KIF1A: variants seen among roughly 807,000 people sequenced by gnomAD.
KIF1A encodes kinesin-like protein KIF1A.
A neutral mutation model predicts 227.3 loss-of-function variants in KIF1A; 46 were observed. That is an observed-to-expected ratio of 0.20 (90% confidence interval 0.16 to 0.26). The LOEUF (loss-of-function observed/expected upper bound fraction) is 0.26. Among genes scored for constraint, KIF1A ranks in the 10% least tolerant of loss-of-function variants. The pLI is 1.00. For synonymous variants in KIF1A, 1,022 were observed against 1,012.8 expected, an observed-to-expected ratio of 1.01 and a Z score of -0.17; for missense variants, 1,683 against 2,485.9, an observed-to-expected ratio of 0.68 and a Z score of 6.87.
chr2:240,767,002 C>T lies in KIF1A; in HGVS notation c.1597G>A (p.Glu533Lys), dbSNP rs764182180. 1.2e-5 allele frequency: 20 copies of T among 1,611,172 alleles called. No individual in the cohort carries two copies. The East Asian group carries it at 2.5e-4, about 20-fold the overall frequency. The change falls in exon 19 of 49, where the codon GAG becomes AAG. Residue 533 changes from glutamate (E) to lysine (K), a missense_variant. Glu to Lys is a moderately conservative substitution (Grantham distance 56). Transcript: ENST00000498729. ...CTCAGAACAATGTCCTGCCGCCTCT[C>T]GCCATCCTCCCTGCCCACTCTGCGG... ...GITRVGREDG[E>K]RRQDIVLSGH...
chr2:240,812,901 GA>G (rs1303594661), intron 1 of KIF1A, among the ~76,000 whole-genome samples: 7 of 149,702 alleles, frequency 4.7e-5, no homozygotes, highest in African/African-American at 7.5e-5. Context: ...TCACCTCGGG[GA>G]TCCGCCTTCA....
chr2:240,762,842 A>G, intron 22 of KIF1A, 30 bp from the exon 23 acceptor site: 2 of 1,553,996 alleles, frequency 1.3e-6, no homozygotes, highest in Non-Finnish European at 1.7e-6. Context: ...TGACTCCACT[A>G]CGGCCCTACC....
At chr2:240,761,426 C>A in intron 23 of KIF1A, 49 bp from the exon 24 acceptor site, 1 of 1,493,054 alleles carries the variant, frequency 6.7e-7, no homozygotes, top group Non-Finnish European at 9.0e-7. Flanking sequence ...CATGACCCTG[C>A]CCACCATGCC....
chr2:240,772,617 G>A (rs2052161058), intron 13 of KIF1A, 21 bp from the exon 14 acceptor site: 2 of 1,529,840 alleles, frequency 1.3e-6, no homozygotes, highest in South Asian at 1.2e-5. Flanking sequence ...GGGAAGCGTG[G>A]GGGAGGGGGA....
chr2:240,806,521 C>A (rs1401064466), intron 1 of KIF1A, among the ~76,000 whole-genome samples: 1 of 152,190 alleles, frequency 6.6e-6, no homozygotes, highest in Non-Finnish European at 1.5e-5. Flanking sequence ...ACTATTCCTG[C>A]AGGTGGTCTA....
intron 37 of KIF1A, among the ~76,000 whole-genome samples, chr2:240,737,707 GTGTC>G (rs1479923382): frequency 6.6e-6 from 1 of 152,170 alleles, no homozygotes; most frequent in Non-Finnish European, 1.5e-5. Context: ...TGCACTGGGG[GTGTC>G]TGTCTGTCTC....
chr2:240,727,085 G>A, intron 38 of KIF1A, 145 bp from the exon 39 acceptor site: 1 of 561,650 alleles, frequency 1.8e-6, no homozygotes, highest in Non-Finnish European at 3.2e-6. Flanking sequence ...CCGGGCGGCG[G>A]TGCCAGGAAG....
rs140674901 is a variant in KIF1A, at chr2:240,782,623, CAG to C, written c.865-18_865-17del. On this transcript the variant is annotated splice_polypyrimidine_tract_variant and intron_variant, in intron 9 of 48. Coordinates refer to ENST00000498729, the MANE Select transcript of KIF1A (RefSeq NM_001244008.2). ...GTCCGGAGTCCTGAAAAGGAAAAGA[CAG>C]AGAGAGGCTGAGGCCCGGAGCGAAG... The C allele has an allele frequency of 1.3e-5, 20 of 1,551,712 alleles. No homozygotes were observed. The highest frequency in any genetic ancestry group is 1.7e-4 in the Middle Eastern group (1 of 5,944).
intron 35 of KIF1A, 41 bp downstream of exon 35, chr2:240,741,226 CGA>C (rs776521614): frequency 7.3e-7 from 1 of 1,370,200 alleles, no homozygotes; most frequent in Non-Finnish European, 1.0e-6. Context: ...GCGCACCCCC[CGA>C]CACACACTCA....
At position 240,717,889 on chromosome 2, in the gene KIF1A, G is replaced by A. The variant is rs576960991; in HGVS notation, c.5333+161C>T. On this transcript the variant is annotated intron_variant, in intron 48 of 48. Coordinates refer to ENST00000498729, the MANE Select transcript of KIF1A (RefSeq NM_001244008.2). Reference sequence around the variant, plus strand: ...CCCTGGCAGAGCAACCGCACCCTGCGGCTGGCCCTACTGAATGGTCCCCGC... The same window carrying A: ...CCCTGGCAGAGCAACCGCACCCTGCAGCTGGCCCTACTGAATGGTCCCCGC... 1.3e-3 allele frequency among the ~76,000 whole-genome samples: 201 copies of A among 152,146 alleles called. 1 individual carries two copies. The Middle Eastern group carries it at 0.014, about 10-fold the overall frequency.
intron 1 of KIF1A, among the ~76,000 whole-genome samples, chr2:240,799,767 T>C (rs1486010162): frequency 6.6e-6 from 1 of 152,204 alleles, no homozygotes; most frequent in Non-Finnish European, 1.5e-5. Flanking sequence ...CAGCACGCCC[T>C]GGGCCTTTAA....
Position 240,716,991 on chromosome 2 carries a change from C to A in KIF1A, c.*373G>T, listed in dbSNP as rs1042422718. The A allele has an allele frequency of 1.3e-5, 3 of 229,500 alleles. No homozygotes were observed. The highest frequency in any genetic ancestry group is 2.5e-5 in the Non-Finnish European group (3 of 117,842). The allele number at this position is 229,500 out of a possible 1,614,324, so 14.2% of individuals were successfully genotyped here. A position where few individuals can be genotyped will look rare whatever the true frequency, so the allele number is the denominator to read the frequency against. The stretch of plus-strand genomic sequence containing the variant: ...ATAAATACTTATAAATAGAACAAGT[C>A]TTATAGTTAATTTCCGAGTTGACTG... On this transcript the variant is annotated 3_prime_UTR_variant, in exon 49 of 49. Transcript: ENST00000498729.
Position 240,775,957 on chromosome 2 carries a change from C to G in KIF1A, c.883-31G>C, listed in dbSNP as rs113227196. ...GGGGAGGAACATTCAAGGTCAAGCC[C>G]GAGCCCACTGCAGAGGAAGCGAAAG... On this transcript the variant is annotated intron_variant, in intron 10 of 48. Coordinates refer to ENST00000498729, the MANE Select transcript of KIF1A (RefSeq NM_001244008.2). The surrounding 1 kb of genome is among the most constrained non-coding windows in gnomAD (Gnocchi z 5.5). The G allele has an allele frequency of 2.0e-6, 3 of 1,470,642 alleles. No homozygotes were observed. The highest frequency in any genetic ancestry group is 2.3e-5 in the South Asian group (2 of 88,020). The allele number at this position is 1,470,642 out of a possible 1,614,324, so 91.1% of individuals were successfully genotyped here.
In KIF1A at chr2:240,769,160, G is replaced by A. The variant is rs1385043967; in HGVS notation, c.1470C>T (p.Gly490=). The stretch of plus-strand genomic sequence containing the variant: ...TTTTGGGAGAGAATACGCCCAAGGT[G>A]CCGCCATCCTCCCTCATGGCCACAC... ...EMGVAMREDG[G]TLGVFSPKKT... The change falls in exon 17 of 49, where the codon GGC becomes GGT. Residue 490 remains glycine, a synonymous_variant. Transcript: ENST00000498729. 9 of 1,611,014 alleles carry A rather than the reference G, an allele frequency of 5.6e-6. No individual in the cohort carries two copies. In the Admixed American group the frequency reaches 1.5e-4, roughly 27 times the overall value.
chr2:240,735,175 C>G (rs1429318842), intron 38 of KIF1A, among the ~76,000 whole-genome samples: 2 of 152,164 alleles, frequency 1.3e-5, no homozygotes, highest in African/African-American at 4.8e-5. Context: ...AGGAGCCAAG[C>G]GAGGGCCAAA....
intron 2 of KIF1A, among the ~76,000 whole-genome samples, chr2:240,796,590 A>G (rs1315245349): frequency 5.9e-5 from 9 of 152,280 alleles, no homozygotes; most frequent in Non-Finnish European, 1.0e-4. Flanking sequence ...ACAATTCACC[A>G]TGAAGAACAG....
chr2:240,766,697 C>A lies in KIF1A; in HGVS notation c.1684+218G>T, dbSNP rs114425543. ...AATGGAAGTTGTTTTTAAGGCTGGC[C>A]CCAAATATCTCTCTCTCTCTCCAAA... On this transcript the variant is annotated intron_variant, in intron 19 of 48. Coordinates refer to ENST00000498729, the MANE Select transcript of KIF1A (RefSeq NM_001244008.2). The surrounding 1 kb of genome is among the most constrained non-coding windows in gnomAD (Gnocchi z 5.0). Among the ~76,000 whole-genome samples, 4,544 of 149,942 alleles carry A rather than the reference C, an allele frequency of 0.03. 245 individuals carry two copies. The highest frequency in any genetic ancestry group is 0.11 in the African/African-American group (4,290 of 40,070).
Position 240,758,516 on chromosome 2 carries a change from T to A in KIF1A, c.2445-19A>T. ...ACGCTGCCTGCAGGGACGGCAGGGG[T>A]CAATGTGGACCCAGGCCCAGCGCTC... On this transcript the variant is annotated intron_variant, in intron 25 of 48. Coordinates refer to ENST00000498729, the MANE Select transcript of KIF1A (RefSeq NM_001244008.2). The surrounding 1 kb of genome is among the most constrained non-coding windows in gnomAD (Gnocchi z 5.2). 6.5e-7 allele frequency: 1 copy of A among 1,549,762 alleles called. No homozygotes were observed. The highest frequency in any genetic ancestry group is 8.7e-7 in the Non-Finnish European group (1 of 1,145,902).
At chr2:240,807,256 C>T (rs931292867) in intron 1 of KIF1A, among the ~76,000 whole-genome samples, 2 of 151,990 alleles carry the variant, frequency 1.3e-5, no homozygotes, top group African/African-American at 4.8e-5. Flanking sequence ...AGCGATTCTC[C>T]TGCCTCAGCC....
Sources: gnomAD v4.1 joint callset for allele counts (sites outside exome capture counted in the v4.1 genomes callset) on GRCh38, gnomAD v4.1.1 for gene constraint, Gnocchi (gnomAD v3.1) non-coding constraint, MANE v1.5 for transcripts, NCBI Gene and HGNC (gene_info 2026-07-23, HGNC 2026-07-21) for gene names.